RAMP1: variants seen among roughly 807,000 people sequenced by gnomAD.
The protein encoded by RAMP1 is receptor activity-modifying protein 1.
Under a neutral mutation model 8.2 loss-of-function variants are expected in RAMP1, and 7 were observed. The ratio of observed to expected loss-of-function variants is 0.85; its 90% confidence interval spans 0.49 to 1.60. RAMP1 has a LOEUF of 1.60. Ranked by LOEUF, RAMP1 falls within the 40% of genes most tolerant of loss-of-function variation. The pLI is 0.00. For synonymous variants in RAMP1, 92 were observed against 84.7 expected (o/e 1.09, Z -0.47); for missense variants, 192 against 202.4 (o/e 0.95, Z 0.31).
intron 2 of RAMP1, among the ~76,000 whole-genome samples, chr2:237,880,938 G>A (rs2062362885): frequency 6.6e-6 from 1 of 152,074 alleles, no homozygotes; most frequent in Admixed American, 6.6e-5. Context: ...TGGTTCCAGG[G>A]GCAGAGGTCT....
chr2:237,901,733 T>C (rs1239531577), intron 2 of RAMP1, among the ~76,000 whole-genome samples: 1 of 152,098 alleles, frequency 6.6e-6, no homozygotes, highest in Non-Finnish European at 1.5e-5. Context: ...GTGTGGGATG[T>C]GGCCTGGAGA....
At chr2:237,900,315 C>T (rs1469859717) in intron 2 of RAMP1, among the ~76,000 whole-genome samples, 1 of 152,150 alleles carries the variant, frequency 6.6e-6, no homozygotes, top group Admixed American at 6.5e-5. Context: ...TGTGTGCCAC[C>T]ATGCCTGGCT....
At chr2:237,895,750 A>G (rs2062536482) in intron 2 of RAMP1, among the ~76,000 whole-genome samples, 1 of 152,052 alleles carries the variant, frequency 6.6e-6, no homozygotes, top group Non-Finnish European at 1.5e-5. Context: ...GGCTGAGACC[A>G]GGGGTGGATA....
At position 237,877,493 on chromosome 2, in the gene RAMP1, G is replaced by A. The variant is rs1295770407; in HGVS notation, c.191+131G>A. ...CCGGAAGGGTTCTTCCCCCAGTGGG[G>A]GGGGCCGGGATGAAGACAGAGGAGG... On this transcript the variant is annotated intron_variant, in intron 2 of 2. Transcript: ENST00000254661. The surrounding 1 kb of genome is among the most constrained non-coding windows in gnomAD (Gnocchi z 4.4). The A allele has an allele frequency of 2.4e-6, 3 of 1,268,764 alleles. No individual in the cohort carries two copies. The highest frequency in any genetic ancestry group is 3.2e-6 in the Non-Finnish European group (3 of 941,164). The allele number at this position is 1,268,764 out of a possible 1,614,324, so 78.6% of individuals were successfully genotyped here. A position where few individuals can be genotyped will look rare whatever the true frequency, so the allele number is the denominator to read the frequency against.
chr2:237,868,131 C>T (rs1225114633), intron 1 of RAMP1, among the ~76,000 whole-genome samples: 2 of 151,720 alleles, frequency 1.3e-5, no homozygotes, highest in South Asian at 2.1e-4. Context: ...GCAACCTCCA[C>T]CTCCCAAGTT....
intron 1 of RAMP1, among the ~76,000 whole-genome samples, chr2:237,869,341 T>G (rs188075253): frequency 2.8e-4 from 42 of 152,342 alleles, no homozygotes; most frequent in African/African-American, 9.4e-4. Flanking sequence ...TCTATGCCAC[T>G]AAGCACACTC....
At chr2:237,864,864 AAGGACGG>A (rs1157040871) in intron 1 of RAMP1, among the ~76,000 whole-genome samples, 13 of 150,616 alleles carry the variant, frequency 8.6e-5, no homozygotes, top group African/African-American at 3.2e-4. Flanking sequence ...GGCAGAGGGC[AAGGACGG>A]TTGTGCAAAG....
intron 1 of RAMP1, among the ~76,000 whole-genome samples, chr2:237,873,226 C>A (rs2062264058): frequency 6.6e-6 from 1 of 152,236 alleles, no homozygotes; most frequent in Non-Finnish European, 1.5e-5. Flanking sequence ...GTGATGGGGT[C>A]TGAGATTCTC....
At position 237,862,924 on chromosome 2, in the gene RAMP1, T is replaced by C. The variant is rs1215261625; in HGVS notation, c.52+3197T>C. On this transcript the variant is annotated intron_variant, in intron 1 of 2. Transcript: ENST00000254661. The surrounding 1 kb of genome is among the most constrained non-coding windows in gnomAD (Gnocchi z 4.0). ...CTGCCACAGTCTACCCTGTGAGCCATGGGGGAGTACCTGTCCATGACATAG... is the reference window on the plus strand; with the variant it reads ...CTGCCACAGTCTACCCTGTGAGCCACGGGGGAGTACCTGTCCATGACATAG... 6.6e-6 allele frequency among the ~76,000 whole-genome samples: 1 copy of C among 152,140 alleles called. No homozygotes were observed. The highest frequency in any genetic ancestry group is 2.4e-5 in the African/African-American group (1 of 41,436).
At chr2:237,901,604 G>T (rs2062596673) in intron 2 of RAMP1, among the ~76,000 whole-genome samples, 1 of 152,196 alleles carries the variant, frequency 6.6e-6, no homozygotes, top group African/African-American at 2.4e-5. Context: ...AGGAGGGAGG[G>T]GACCCAGTTG....
At chr2:237,895,817 C>G (rs189994576) in intron 2 of RAMP1, among the ~76,000 whole-genome samples, 112 of 152,288 alleles carry the variant, frequency 7.4e-4, no homozygotes, top group African/African-American at 2.5e-3. Flanking sequence ...GACAATGCCC[C>G]CAGGGTGTTA....
intron 1 of RAMP1, among the ~76,000 whole-genome samples, chr2:237,863,532 C>T (rs1479044392): frequency 6.6e-6 from 1 of 152,226 alleles, no homozygotes; most frequent in Non-Finnish European, 1.5e-5. Flanking sequence ...CCAGCCCAAA[C>T]AAAATCGTAC....
intron 2 of RAMP1, among the ~76,000 whole-genome samples, chr2:237,889,943 G>A (rs1406335125): frequency 2.0e-5 from 3 of 152,058 alleles, no homozygotes; most frequent in Non-Finnish European, 4.4e-5. Context: ...TTAGCGAATA[G>A]TAGGAAAACT....
At chr2:237,892,743 C>CTT in intron 2 of RAMP1, among the ~76,000 whole-genome samples, 1 of 151,050 alleles carries the variant, frequency 6.6e-6, no homozygotes, top group Admixed American at 6.6e-5. Flanking sequence ...TCTTCTCTCT[C>CTT]TCTCTCTCTC....
intron 2 of RAMP1, among the ~76,000 whole-genome samples, chr2:237,909,696 A>C (rs1307557284): frequency 6.6e-6 from 1 of 152,152 alleles, no homozygotes; most frequent in Non-Finnish European, 1.5e-5. Context: ...GGAAGATGAC[A>C]CAGAAAAGCA....
intron 2 of RAMP1, among the ~76,000 whole-genome samples, chr2:237,899,181 C>T (rs1272731659): frequency 1.3e-5 from 2 of 152,148 alleles, no homozygotes; most frequent in African/African-American, 4.8e-5. Flanking sequence ...AGCAATTCTC[C>T]TGCCTCAGCC....
intron 2 of RAMP1, among the ~76,000 whole-genome samples, chr2:237,899,588 T>C (rs2062578142): frequency 6.6e-6 from 1 of 152,240 alleles, no homozygotes; most frequent in Non-Finnish European, 1.5e-5. Flanking sequence ...AAATAAAATA[T>C]GCTATGTGGC....
intron 2 of RAMP1, among the ~76,000 whole-genome samples, chr2:237,905,513 G>A (rs1003719959): frequency 6.6e-6 from 1 of 152,200 alleles, no homozygotes; most frequent in Admixed American, 6.5e-5. Flanking sequence ...CTGTGGTGGC[G>A]TGGCTTCCTG....
chr2:237,897,376 CT>C (rs1029608415), intron 2 of RAMP1, among the ~76,000 whole-genome samples: 29 of 152,348 alleles, frequency 1.9e-4, no homozygotes, highest in African/African-American at 7.0e-4. Flanking sequence ...TTTTCTCCGG[CT>C]TCATCAGCAT....
Sources: allele counts gnomAD v4.1 joint callset (sites outside exome capture counted in the v4.1 genomes callset), GRCh38; gene constraint gnomAD v4.1.1; non-coding constraint Gnocchi (gnomAD v3.1); transcripts MANE v1.5; gene names NCBI Gene and HGNC (gene_info 2026-07-23, HGNC 2026-07-21).